DLG2: variants seen among roughly 807,000 people sequenced by gnomAD.
DLG2 encodes the protein disks large homolog 2.
Under a neutral mutation model 132.5 loss-of-function variants are expected in DLG2, and 45 were observed. The ratio of observed to expected loss-of-function variants is 0.34; its 90% CI spans 0.27 to 0.44. The LOEUF is 0.44. Among genes scored for constraint, DLG2 ranks in the 20% least tolerant of loss-of-function variants. The pLI is 1.00. For missense variants in DLG2, 1,045 were observed against 1,196.9 expected, an observed-to-expected ratio of 0.87 and a Z score of 1.87; for synonymous variants, 424 against 419.6, an observed-to-expected ratio of 1.01 and a Z score of -0.13.
rs773101088 is a variant in DLG2 at position 83,466,823 on chromosome 11, A to T, written c.2620-6T>A. On this transcript the variant is annotated splice_region_variant and splice_polypyrimidine_tract_variant and intron_variant, in intron 25 of 27. Coordinates refer to ENST00000376104, the MANE Select transcript of DLG2 (RefSeq NM_001142699.3). ...TCAAGTATACAGTGTTTGCCCTGGTAGAAAGAGAAGAAAAATATGAAGTTA... is the reference window on the plus strand; with the variant it reads ...TCAAGTATACAGTGTTTGCCCTGGTTGAAAGAGAAGAAAAATATGAAGTTA... The T allele has an allele frequency of 5.7e-6, 9 of 1,581,892 alleles. No individual in the cohort carries two copies. Among genetic ancestry groups the T allele is most frequent in the Non-Finnish European group, 7.8e-6 (9 of 1,150,918 alleles).
At chr11:84,584,320 G>T (rs994678478) in intron 6 of DLG2, among the ~76,000 whole-genome samples, 3 of 151,784 alleles carry the variant, frequency 2.0e-5, no homozygotes, top group Non-Finnish European at 4.4e-5. Context: ...CTTTTCTTTT[G>T]AAATGTTTTG....
At chr11:84,861,964 C>T (rs1000144776) in intron 6 of DLG2, among the ~76,000 whole-genome samples, 4 of 144,538 alleles carry the variant, frequency 2.8e-5, no homozygotes, top group African/African-American at 1.0e-4. Context: ...CATATTCTCA[C>T]TCACAGGTGG....
intron 19 of DLG2, among the ~76,000 whole-genome samples, chr11:83,547,672 T>C (rs1023347523): frequency 2.6e-5 from 4 of 152,152 alleles, no homozygotes; most frequent in African/African-American, 4.8e-5. Context: ...ATTGAGCCTC[T>C]AGAAGGGTTA....
chr11:83,752,284 A>G (rs1028725090), intron 18 of DLG2, among the ~76,000 whole-genome samples: 2 of 152,058 alleles, frequency 1.3e-5, no homozygotes, highest in Non-Finnish European at 2.9e-5. Context: ...AAAAAAAAAA[A>G]AAGAGGAATA....
At position 84,430,234 on chromosome 11, in the gene DLG2, G is replaced by A. The variant is rs189673257; in HGVS notation, c.519+104336C>T. ...AGGTAGATCACAAGGTCAGGAGATCGAGACCATCCTGGCCAACATGGTGAA... is the reference window on the plus strand; with the variant it reads ...AGGTAGATCACAAGGTCAGGAGATCAAGACCATCCTGGCCAACATGGTGAA... On this transcript the variant is annotated intron_variant, in intron 7 of 27. Transcript: ENST00000376104. Among the ~76,000 whole-genome samples the A allele has an allele frequency of 1.6e-4, 24 of 152,114 alleles. No individual in the cohort carries two copies. The East Asian group carries it at 4.3e-3, about 27-fold the overall frequency.
At chr11:84,043,639 T>C (rs1156433593) in intron 11 of DLG2, among the ~76,000 whole-genome samples, 1 of 151,822 alleles carries the variant, frequency 6.6e-6, no homozygotes, top group African/African-American at 2.4e-5. Flanking sequence ...CACTAGCTCA[T>C]TTTCTTGAAG....
chr11:84,682,890 T>A (rs1204168811), intron 6 of DLG2, among the ~76,000 whole-genome samples: 2 of 152,176 alleles, frequency 1.3e-5, no homozygotes, highest in African/African-American at 2.4e-5. Flanking sequence ...CAGAATCCTA[T>A]GAACATGGAT....
chr11:85,565,768 T>A lies in DLG2; in HGVS notation c.40+32889A>T, dbSNP rs111557113. 1.6e-3 allele frequency among the ~76,000 whole-genome samples: 237 copies of A among 152,250 alleles called. 3 individuals carry two copies. Among genetic ancestry groups the A allele is most frequent in the African/African-American group, 5.4e-3 (225 of 41,558 alleles). ...ATTCATCAGTTGATGGACATTTGGA[T>A]TTTTTCCACTTTTTAGCTACTATGA... On this transcript the variant is annotated intron_variant, in intron 3 of 27. Coordinates refer to ENST00000376104, the MANE Select transcript of DLG2 (RefSeq NM_001142699.3).
At chr11:83,573,427 G>A (rs765762873) in intron 19 of DLG2, among the ~76,000 whole-genome samples, 1 of 152,068 alleles carries the variant, frequency 6.6e-6, no homozygotes. Flanking sequence ...ATACAATTCA[G>A]AGACTGTTCA....
intron 9 of DLG2, among the ~76,000 whole-genome samples, chr11:84,099,304 C>T (rs1205034179): frequency 6.6e-6 from 1 of 151,930 alleles, no homozygotes; most frequent in Non-Finnish European, 1.5e-5. Flanking sequence ...ATTAAAATCA[C>T]ATTTATGAAG....
At chr11:85,357,704 TTATATATATATATATATATATA>T (rs58283704) in intron 3 of DLG2, among the ~76,000 whole-genome samples, 1,447 of 106,222 alleles carry the variant, frequency 0.014, 41 homozygotes, top group Middle Eastern at 0.031. Context: ...CTGTTCTGAA[TTATATATATATATATATATATA>T]TATATATATA....
intron 6 of DLG2, among the ~76,000 whole-genome samples, chr11:84,719,566 C>T (rs2061572551): frequency 6.6e-6 from 1 of 152,150 alleles, no homozygotes; most frequent in Admixed American, 6.5e-5. Context: ...TCAGGTCCAA[C>T]AAGGAAGCAC....
At chr11:85,002,703 C>A (rs901316299) in intron 6 of DLG2, among the ~76,000 whole-genome samples, 4 of 152,040 alleles carry the variant, frequency 2.6e-5, no homozygotes, top group Admixed American at 2.0e-4. Flanking sequence ...ATTTGACCTG[C>A]AGAGGTCCAC....
At chr11:84,413,332 G>C (rs957032117) in intron 7 of DLG2, among the ~76,000 whole-genome samples, 1 of 152,324 alleles carries the variant, frequency 6.6e-6, no homozygotes. Context: ...TTTAGAAGTG[G>C]TATTTCAATT....
At chr11:85,007,235 T>C (rs1043194310) in intron 6 of DLG2, among the ~76,000 whole-genome samples, 15 of 152,272 alleles carry the variant, frequency 9.9e-5, no homozygotes, top group Non-Finnish European at 1.9e-4. Flanking sequence ...GAAGATAATA[T>C]TGGTACCTTT....
intron 6 of DLG2, among the ~76,000 whole-genome samples, chr11:84,913,471 G>A (rs1054699596): frequency 1.3e-5 from 2 of 152,120 alleles, no homozygotes; most frequent in African/African-American, 4.8e-5. Context: ...AATGCTTTCA[G>A]TCCCTGCTTA....
chr11:84,653,032 A>G (rs1431992925), intron 6 of DLG2, among the ~76,000 whole-genome samples: 4 of 151,928 alleles, frequency 2.6e-5, no homozygotes, highest in Non-Finnish European at 5.9e-5. Flanking sequence ...CCCGGGTCCA[A>G]GTGATTCCTG....
chr11:84,880,784 T>C (rs1419009554), intron 6 of DLG2, among the ~76,000 whole-genome samples: 1 of 152,132 alleles, frequency 6.6e-6, no homozygotes, highest in Non-Finnish European at 1.5e-5. Flanking sequence ...TGGTTGACTT[T>C]TAGGAGAGTA....
In DLG2 at chr11:84,100,805, G is replaced by T. The variant is rs768884184; in HGVS notation, c.625-1758C>A. Among the ~76,000 whole-genome samples the T allele has an allele frequency of 2.0e-5, 3 of 152,050 alleles. No homozygotes were observed. In the South Asian group the frequency reaches 6.2e-4, roughly 31 times the overall value. ...GTCAAGATAAGATCAGCTATAACTTGACACCTATACCACTGCAAATGTCAA... is the reference window on the plus strand; with the variant it reads ...GTCAAGATAAGATCAGCTATAACTTTACACCTATACCACTGCAAATGTCAA... On this transcript the variant is annotated intron_variant, in intron 9 of 27. Coordinates refer to ENST00000376104, the MANE Select transcript of DLG2 (RefSeq NM_001142699.3).
Sources: allele counts gnomAD v4.1 joint callset (sites outside exome capture counted in the v4.1 genomes callset), GRCh38; gene constraint gnomAD v4.1.1; transcripts MANE v1.5; gene names NCBI Gene and HGNC (gene_info 2026-07-23, HGNC 2026-07-21).